Variants in ARID1B observed in about 807,000 individuals in gnomAD.
ARID1B encodes AT-rich interaction domain 1B, also known as AT-rich interactive domain-containing protein 1B.
A neutral mutation model predicts 212.3 loss-of-function variants in ARID1B; 30 were observed. The observed-to-expected ratio is 0.14, with a 90% CI of 0.11 to 0.19. ARID1B has a LOEUF of 0.19. Ranked by LOEUF, ARID1B falls within the 10% of genes least tolerant of loss-of-function variation. ARID1B has a pLI of 1.00. For synonymous variants in ARID1B, 1,402 were observed against 1,301.7 expected, an observed-to-expected ratio of 1.08 and a Z score of -1.66; for missense variants, 2,891 against 3,204.0, an observed-to-expected ratio of 0.90 and a Z score of 2.36.
intron 4 of ARID1B, among the ~76,000 whole-genome samples, chr6:157,010,425 C>T (rs1471534481): frequency 1.3e-5 from 2 of 151,676 alleles, no homozygotes; most frequent in African/African-American, 2.4e-5. Context: ...CAGGTTCAAG[C>T]GATTCTTCTG....
intron 2 of ARID1B, among the ~76,000 whole-genome samples, chr6:156,889,682 C>T (rs1034171367): frequency 6.6e-6 from 1 of 152,092 alleles, no homozygotes; most frequent in African/African-American, 2.4e-5. Flanking sequence ...GCTGTGCCTT[C>T]GGGATCGTTT....
chr6:156,860,061 T>G (rs904097095), intron 2 of ARID1B, among the ~76,000 whole-genome samples: 1 of 152,230 alleles, frequency 6.6e-6, no homozygotes, highest in Non-Finnish European at 1.5e-5. Flanking sequence ...TCAGTCAGTT[T>G]GTTAGTGGAT....
intron 4 of ARID1B, among the ~76,000 whole-genome samples, chr6:157,032,488 G>A (rs1781077227): frequency 6.6e-6 from 1 of 152,170 alleles, no homozygotes; most frequent in African/African-American, 2.4e-5. Context: ...GAGTATGTTT[G>A]AGGATATTGA....
intron 3 of ARID1B, among the ~76,000 whole-genome samples, chr6:156,932,145 A>AGGGGGG (rs61152353): frequency 1.6e-5 from 1 of 61,350 alleles, no homozygotes; most frequent in Non-Finnish European, 3.2e-5. Context: ...AAAAAAAAAA[A>AGGGGGG]GGGGGGGGGC....
chr6:156,910,552 T>C lies in ARID1B; in HGVS notation c.2136+9027T>C, dbSNP rs199553221. Among the ~76,000 whole-genome samples the C allele has an allele frequency of 8.5e-5, 13 of 152,214 alleles. No homozygotes were observed. In the East Asian group the frequency reaches 2.5e-3, roughly 29 times the overall value. ...GCAAAAGTTGGCTTCTATTGCTCTC[T>C]TGGTTTCTCTGTTCTCGGTCTGCTC... On this transcript the variant is annotated intron_variant, in intron 3 of 19. Coordinates refer to ENST00000636930, the MANE Select transcript of ARID1B (RefSeq NM_001374828.1).
At chr6:156,907,329 CTT>C (rs1449998998) in intron 3 of ARID1B, among the ~76,000 whole-genome samples, 8 of 152,132 alleles carry the variant, frequency 5.3e-5, no homozygotes, top group Middle Eastern at 3.4e-3. Context: ...TGAATTTTAT[CTT>C]CCGTCTTTTT....
At chr6:156,963,324 C>T (rs919516488) in intron 4 of ARID1B, among the ~76,000 whole-genome samples, 1 of 152,144 alleles carries the variant, frequency 6.6e-6, no homozygotes, top group Non-Finnish European at 1.5e-5. Flanking sequence ...TTAATATTTT[C>T]ATTATAAAGT....
chr6:157,022,117 C>G (rs1261610490), intron 4 of ARID1B, among the ~76,000 whole-genome samples: 1 of 151,630 alleles, frequency 6.6e-6, no homozygotes, highest in African/African-American at 2.4e-5. Flanking sequence ...CCGCGGAGCC[C>G]AGGCCGCCAA....
At chr6:157,157,123 C>T (rs7771189) in intron 8 of ARID1B, among the ~76,000 whole-genome samples, 9 of 152,120 alleles carry the variant, frequency 5.9e-5, no homozygotes, top group Admixed American at 1.3e-4. Context: ...TTCCCCTCTC[C>T]GGGTCTGGGT....
At chr6:156,897,582 A>AT (rs1788584594) in intron 2 of ARID1B, among the ~76,000 whole-genome samples, 1 of 151,770 alleles carries the variant, frequency 6.6e-6, no homozygotes, top group South Asian at 2.1e-4. Context: ...CCAGATTCTT[A>AT]TTTTTAAATA....
chr6:156,916,556 T>C (rs898172711), intron 3 of ARID1B, among the ~76,000 whole-genome samples: 1 of 152,208 alleles, frequency 6.6e-6, no homozygotes, highest in African/African-American at 2.4e-5. Flanking sequence ...ATTTAATACT[T>C]TTATATAGAA....
At chr6:157,046,242 A>G (rs1782235955) in intron 4 of ARID1B, among the ~76,000 whole-genome samples, 1 of 152,220 alleles carries the variant, frequency 6.6e-6, no homozygotes, top group South Asian at 2.1e-4. Context: ...ACACAAGTCT[A>G]AAACTCAGAA....
intron 1 of ARID1B, among the ~76,000 whole-genome samples, chr6:156,787,212 G>GA (rs1228742076): frequency 6.6e-6 from 1 of 151,982 alleles, no homozygotes; most frequent in Non-Finnish European, 1.5e-5. Context: ...TAGATTCTTG[G>GA]AAAAAAAGTT....
intron 9 of ARID1B, among the ~76,000 whole-genome samples, chr6:157,170,713 A>G (rs1234739543): frequency 1.3e-5 from 2 of 152,120 alleles, no homozygotes; most frequent in African/African-American, 2.4e-5. Flanking sequence ...GCTGATGGCA[A>G]TGATGGGGTA....
At chr6:157,123,491 G>A (rs1787921065) in intron 6 of ARID1B, among the ~76,000 whole-genome samples, 1 of 152,224 alleles carries the variant, frequency 6.6e-6, no homozygotes, top group Non-Finnish European at 1.5e-5. Context: ...GCTCTAGCTG[G>A]CCTTGTAGAG....
At chr6:157,145,643 A>G (rs1350826741) in intron 7 of ARID1B, among the ~76,000 whole-genome samples, 1 of 152,218 alleles carries the variant, frequency 6.6e-6, no homozygotes, top group Non-Finnish European at 1.5e-5. Flanking sequence ...GGTTTTGACC[A>G]TTAGGGTAAC....
At chr6:156,871,536 A>T (rs1295735683) in intron 2 of ARID1B, 8 of 1,345,292 alleles carry the variant, frequency 5.9e-6, no homozygotes, top group Non-Finnish European at 8.4e-6. Context: ...CCTAATTAAT[A>T]AGCCACAGGG....
At chr6:156,857,674 T>C (rs1346583306) in intron 2 of ARID1B, among the ~76,000 whole-genome samples, 1 of 152,236 alleles carries the variant, frequency 6.6e-6, no homozygotes, top group African/African-American at 2.4e-5. Flanking sequence ...TCCTAACTGG[T>C]ATAGTAGTCA....
intron 2 of ARID1B, among the ~76,000 whole-genome samples, chr6:156,861,733 C>T (rs915982732): frequency 2.0e-5 from 3 of 152,126 alleles, no homozygotes; most frequent in African/African-American, 7.2e-5. Context: ...GAAATGGGAG[C>T]CCTTTCTCTT....
Sources: allele counts gnomAD v4.1 joint callset (sites outside exome capture counted in the v4.1 genomes callset), GRCh38; gene constraint gnomAD v4.1.1; transcripts MANE v1.5; gene names NCBI Gene and HGNC (gene_info 2026-07-23, HGNC 2026-07-21).